Variants in DBR1 observed in about 807,000 individuals in gnomAD.
The protein encoded by DBR1 is debranching RNA lariats 1.
DBR1 carries 33 observed loss-of-function variants against 45.9 expected under a neutral mutation model. The observed-to-expected ratio is 0.72, with a 90% CI of 0.55 to 0.96. The LOEUF is 0.96. DBR1 is among the 40% of genes least tolerant of loss of function. DBR1 has a pLI of 0.00. For missense variants in DBR1, 619 were observed against 667.4 expected, an observed-to-expected ratio of 0.93 and a Z score of 0.80; for synonymous variants, 235 against 235.9, an observed-to-expected ratio of 1.00 and a Z score of 0.04.
At position 138,162,599 on chromosome 3, in the gene DBR1, C is replaced by A; in HGVS notation, c.942-17G>T. 1 of 1,582,548 alleles carries A rather than the reference C, an allele frequency of 6.3e-7. No homozygotes were observed. Among genetic ancestry groups the A allele is most frequent in the South Asian group, 1.1e-5 (1 of 89,408 alleles). ...TAATCCCACCTATAAAAGTACAAAA[C>A]AATAGCTTTTTACATTTTATCAGCT... On this transcript the variant is annotated splice_polypyrimidine_tract_variant and intron_variant, in intron 7 of 7. Coordinates refer to ENST00000260803, the MANE Select transcript of DBR1 (RefSeq NM_016216.4).
Position 138,170,173 on chromosome 3 carries a change from A to AG in DBR1, c.422dup (p.Tyr142LeufsTer2). On this transcript the variant is annotated frameshift_variant, in exon 4 of 8. Transcript: ENST00000260803. LOFTEE classifies it high-confidence loss of function. ...TACTCCTGATTGTAGATGAATTATA[A>AG]GGGGGGCACTCAAAATGACCTTAGA... 6.3e-7 allele frequency: 1 copy of AG among 1,594,018 alleles called. No homozygotes were observed. Among genetic ancestry groups the AG allele is most frequent in the South Asian group, 1.1e-5 (1 of 88,110 alleles).
In DBR1 at chr3:138,161,924, C is replaced by T. The variant is rs765621952; in HGVS notation, c.1600G>A (p.Ala534Thr). ...TCGTCATCATCATCATCCACTGCAG[C>T]GTAAATGGCTTGATTCCTCCTCTTA... ...KIKRRNQAIYAAVDDDDDDAA is the reference protein window; with the variant it reads ...KIKRRNQAIYTAVDDDDDDAA The change falls in exon 8 of 8, where the codon GCT (alanine) becomes ACT (threonine). Residue 534 changes from alanine to threonine, a missense_variant. Physicochemically the swap from Ala to Thr is moderately conservative, Grantham distance 58. This residue lies in a region of DBR1 where 182 missense variants were observed against 196.1 expected (regional missense o/e 0.93). Transcript: ENST00000260803. The T allele has an allele frequency of 1.2e-5, 20 of 1,613,824 alleles. No homozygotes were observed. The highest frequency in any genetic ancestry group is 2.2e-5 in the East Asian group (1 of 44,890).
chr3:138,168,243 C>T (rs1350842730), intron 4 of DBR1, among the ~76,000 whole-genome samples: 1 of 152,178 alleles, frequency 6.6e-6, no homozygotes, highest in Non-Finnish European at 1.5e-5. Context: ...ACCGGCTGGG[C>T]ACAGTGGCTC....
At chr3:138,173,087 CAA>C (rs374615762) in intron 2 of DBR1, among the ~76,000 whole-genome samples, 32 of 134,710 alleles carry the variant, frequency 2.4e-4, no homozygotes, top group African/African-American at 6.4e-4. Context: ...TCTCTTCCCA[CAA>C]AAAAAAAAAA....
chr3:138,174,217 T>C (rs2042968169), intron 1 of DBR1, among the ~76,000 whole-genome samples: 1 of 152,056 alleles, frequency 6.6e-6, no homozygotes, highest in Non-Finnish European at 1.5e-5. Flanking sequence ...TTCAGGATCA[T>C]TGAATGAACT....
Position 138,173,563 on chromosome 3 carries a change from G to C in DBR1, c.261C>G (p.Ala87=). The change falls in exon 2 of 8, where the codon GCC becomes GCG. Residue 87 remains alanine, a synonymous_variant. Coordinates refer to ENST00000260803, the MANE Select transcript of DBR1 (RefSeq NM_016216.4). The part of the protein sequence containing the change: ...LTLFIGGNHE[A]SNHLQELPYG... Reference sequence around the variant, plus strand: ...AGGGTAACTCTTGCAAATGATTTGAGGCTTCATGGTTTCCCCCAATGAAGA... The same window carrying C: ...AGGGTAACTCTTGCAAATGATTTGACGCTTCATGGTTTCCCCCAATGAAGA... 6.2e-7 allele frequency: 1 copy of C among 1,613,778 alleles called. No homozygotes were observed. The highest frequency in any genetic ancestry group is 8.5e-7 in the Non-Finnish European group (1 of 1,179,772).
intron 4 of DBR1, among the ~76,000 whole-genome samples, chr3:138,168,581 T>C (rs2042940922): frequency 6.6e-6 from 1 of 150,692 alleles, no homozygotes; most frequent in South Asian, 2.1e-4. Context: ...AGATATTAGA[T>C]AGATATGACT....
rs919829251 is a variant in DBR1, at chr3:138,161,378, T to C, written c.*511A>G. The C allele has an allele frequency of 6.5e-6, 1 of 153,554 alleles. No homozygotes were observed. Among genetic ancestry groups the C allele is most frequent in the African/African-American group, 2.4e-5 (1 of 41,422 alleles). 9.5% of individuals were successfully genotyped at this position (153,554 alleles called of 1,614,324 possible). ...AAAAAGATACCCAGTCAAGTAAATA[T>C]ATGAAACTTTAATATGTTTGCATCT... On this transcript the variant is annotated 3_prime_UTR_variant, in exon 8 of 8. Transcript: ENST00000260803.
intron 3 of DBR1, among the ~76,000 whole-genome samples, chr3:138,171,031 G>A (rs2042951108): frequency 6.6e-6 from 1 of 152,042 alleles, no homozygotes; most frequent in South Asian, 2.1e-4. Flanking sequence ...AAATAATCAA[G>A]TAAATTATAA....
chr3:138,171,428 T>C (rs2107905836), intron 3 of DBR1: 1 of 370,796 alleles, frequency 2.7e-6, no homozygotes, highest in African/African-American at 2.7e-5. Context: ...TGAGCCGAGA[T>C]CGCACCACTG....
At position 138,161,838 on chromosome 3, in the gene DBR1, C is replaced by T. The variant is rs780661736; in HGVS notation, c.*51G>A. The T allele has an allele frequency of 4.2e-5, 60 of 1,431,862 alleles. No individual in the cohort carries two copies. Among genetic ancestry groups the T allele is most frequent in the East Asian group, 1.8e-4 (8 of 44,038 alleles). The allele number at this position is 1,431,862 out of a possible 1,614,324, so 88.7% of individuals were successfully genotyped here. A position where few individuals can be genotyped will look rare whatever the true frequency, so the allele number is the denominator to read the frequency against. ...TCCAGTCTAGGTGACAAGAGTGAAA[C>T]TCCATCTCAAAAAAACAAAACAAAC... On this transcript the variant is annotated 3_prime_UTR_variant, in exon 8 of 8. Coordinates refer to ENST00000260803, the MANE Select transcript of DBR1 (RefSeq NM_016216.4).
intron 5 of DBR1, among the ~76,000 whole-genome samples, chr3:138,165,486 T>C (rs1467427982): frequency 6.6e-6 from 1 of 151,392 alleles, no homozygotes; most frequent in Admixed American, 6.6e-5. Flanking sequence ...TCCCAGCACT[T>C]TGGGAGGCCG....
intron 1 of DBR1, 44 bp downstream of exon 1, chr3:138,174,555 T>TCCCCCCCC: frequency 9.7e-6 from 14 of 1,437,528 alleles, no homozygotes; most frequent in Non-Finnish European, 1.1e-5. Context: ...GGGAACCCAG[T>TCCCCCCCC]CCCACCCCCC....
intron 2 of DBR1, among the ~76,000 whole-genome samples, chr3:138,172,382 G>A (rs942260599): frequency 5.3e-5 from 8 of 152,092 alleles, no homozygotes; most frequent in Admixed American, 1.3e-4. Context: ...TCATGAGTTC[G>A]AGACCAGCCT....
intron 5 of DBR1, 124 bp downstream of exon 5, chr3:138,166,957 T>C (rs1559883057): frequency 8.3e-6 from 7 of 843,700 alleles, no homozygotes; most frequent in Non-Finnish European, 5.6e-6. Flanking sequence ...CCCAGAATCA[T>C]ATATTGAGCT....
chr3:138,167,837 C>T (rs2042937514), intron 4 of DBR1, among the ~76,000 whole-genome samples: 1 of 151,996 alleles, frequency 6.6e-6, no homozygotes, highest in Admixed American at 6.6e-5. Context: ...ATCCCAGCTA[C>T]TAGGGAGACT....
At chr3:138,163,104 CA>C (rs2042915251) in intron 7 of DBR1, among the ~76,000 whole-genome samples, 1 of 151,894 alleles carries the variant, frequency 6.6e-6, no homozygotes, top group Non-Finnish European at 1.5e-5. Flanking sequence ...CCAAAAATAC[CA>C]AAAAATTAGC....
At chr3:138,167,377 C>T in intron 4 of DBR1, 72 bp from the exon 5 acceptor site, 1 of 997,588 alleles carries the variant, frequency 1.0e-6, no homozygotes, top group Non-Finnish European at 1.5e-6. Context: ...CCTCCCTTCT[C>T]TCTACCACCA....
rs192197979 is a variant in DBR1 at position 138,165,250 on chromosome 3, T to C, written c.715-1392A>G. ...TGAGGTACAAGTTGAGTATGCCTTA[T>C]CTAAAATGCTTGGGACTAGAAGTGT... On this transcript the variant is annotated intron_variant, in intron 5 of 7. Coordinates refer to ENST00000260803, the MANE Select transcript of DBR1 (RefSeq NM_016216.4). Among the ~76,000 whole-genome samples the C allele has an allele frequency of 3.3e-4, 50 of 152,298 alleles. 1 individual carries two copies. The highest frequency in any genetic ancestry group is 6.5e-4 in the Non-Finnish European group (44 of 68,036).
Sources: allele counts gnomAD v4.1 joint callset (sites outside exome capture counted in the v4.1 genomes callset), GRCh38; gene constraint gnomAD v4.1.1; regional missense constraint gnomAD v4.1.1; transcripts MANE v1.5; gene names NCBI Gene and HGNC (gene_info 2026-07-23, HGNC 2026-07-21).